Variants in AFG3L2 observed in about 807,000 individuals in gnomAD.
The protein encoded by AFG3L2 is mitochondrial inner membrane m-AAA protease component AFG3L2.
AFG3L2 carries 54 observed loss-of-function variants against 94.5 expected under a neutral mutation model. The ratio of observed to expected loss-of-function variants is 0.57; its 90% CI spans 0.46 to 0.72. The LOEUF (loss-of-function observed/expected upper bound fraction) is 0.72, where lower values mean the gene tolerates loss of function less well. Among genes scored for constraint, AFG3L2 ranks in the 30% least tolerant of loss-of-function variants. The pLI, the probability that AFG3L2 is intolerant of heterozygous loss-of-function variation, is 0.00. For synonymous variants in AFG3L2, 377 were observed against 365.5 expected, an observed-to-expected ratio of 1.03 and a Z score of -0.36; for missense variants, 754 against 994.9, an observed-to-expected ratio of 0.76 and a Z score of 3.26.
intron 9 of AFG3L2, among the ~76,000 whole-genome samples, chr18:12,355,858 G>A (rs1429428726): frequency 1.3e-5 from 2 of 151,760 alleles, no homozygotes; most frequent in East Asian, 1.9e-4. Context: ...TTTTTTAGTA[G>A]AGATGGTGTT....
At chr18:12,354,539 A>G (rs530971265) in intron 9 of AFG3L2, among the ~76,000 whole-genome samples, 4 of 152,322 alleles carry the variant, frequency 2.6e-5, no homozygotes, top group Admixed American at 2.6e-4. Flanking sequence ...TGATGTCCTC[A>G]GTGATTTCCA....
chr18:12,338,792 C>T (rs916706224), intron 15 of AFG3L2, among the ~76,000 whole-genome samples: 1 of 152,004 alleles, frequency 6.6e-6, no homozygotes, highest in African/African-American at 2.4e-5. Context: ...AGAGGAAATC[C>T]GTATCTTCTT....
intron 14 of AFG3L2, 49 bp downstream of exon 14, chr18:12,344,083 C>A (rs762687153): frequency 6.8e-7 from 1 of 1,479,820 alleles, no homozygotes; most frequent in Non-Finnish European, 9.4e-7. Context: ...CTGCAGCGAG[C>A]ATCTGCTCAC....
chr18:12,357,929 CAGTT>C (rs763374944), intron 8 of AFG3L2, among the ~76,000 whole-genome samples: 16 of 152,176 alleles, frequency 1.1e-4, no homozygotes, highest in South Asian at 1.0e-3. Context: ...GTTGTAGAGA[CAGTT>C]AGGTGTAATG....
chr18:12,341,831 A>C (rs968429153), intron 14 of AFG3L2: 1 of 152,208 alleles, frequency 6.6e-6, no homozygotes, highest in Non-Finnish European at 1.5e-5. Flanking sequence ...GTTTTCCAAA[A>C]CAATGGTACC....
intron 10 of AFG3L2, among the ~76,000 whole-genome samples, chr18:12,352,303 A>G (rs1255028092): frequency 6.6e-6 from 1 of 151,950 alleles, no homozygotes; most frequent in Non-Finnish European, 1.5e-5. Context: ...GAGGCTTTCT[A>G]CCTCCTTATT....
intron 5 of AFG3L2, among the ~76,000 whole-genome samples, chr18:12,364,690 T>C (rs1033947154): frequency 1.3e-5 from 2 of 152,130 alleles, no homozygotes; most frequent in African/African-American, 4.8e-5. Context: ...TTTATTTGTT[T>C]TTAGACAGGA....
chr18:12,334,595 C>A (rs1375789387), intron 16 of AFG3L2, among the ~76,000 whole-genome samples: 1 of 152,206 alleles, frequency 6.6e-6, no homozygotes, highest in Non-Finnish European at 1.5e-5. Context: ...GCCTTGGAGT[C>A]ATTCTTGGGC....
chr18:12,346,015 CAA>C (rs1908123462), intron 13 of AFG3L2, among the ~76,000 whole-genome samples: 1 of 152,184 alleles, frequency 6.6e-6, no homozygotes, highest in Non-Finnish European at 1.5e-5. Flanking sequence ...GATGAACTGT[CAA>C]AAGTCACCCT....
chr18:12,344,394 G>T, intron 13 of AFG3L2, 147 bp from the exon 14 acceptor site: 1 of 699,788 alleles, frequency 1.4e-6, no homozygotes. Flanking sequence ...CCTAATCAAG[G>T]CCAGGCGCAG....
At chr18:12,367,825 G>T (rs955772738) in intron 3 of AFG3L2, among the ~76,000 whole-genome samples, 1 of 152,150 alleles carries the variant, frequency 6.6e-6, no homozygotes, top group African/African-American at 2.4e-5. Flanking sequence ...GCCAAAGCAG[G>T]AGAATCCCTT....
chr18:12,367,144 T>C, intron 4 of AFG3L2, 27 bp from the exon 5 acceptor site: 1 of 1,614,108 alleles, frequency 6.2e-7, no homozygotes. Context: ...ACAGCTTCTG[T>C]GAAGAATGAA....
rs78632090 is a variant in AFG3L2, at chr18:12,334,143, C to T, written c.2175+3198G>A. Among the ~76,000 whole-genome samples, 1,344 of 152,340 alleles carry T rather than the reference C, an allele frequency of 8.8e-3. 41 individuals carry two copies. Among genetic ancestry groups the T allele is most frequent in the Admixed American group, 0.062 (948 of 15,296 alleles). On this transcript the variant is annotated intron_variant, in intron 16 of 16. Transcript: ENST00000269143. ...AAGGCAATGGTTTCAGGAGCACAGG[C>T]CCTAGCCCCTCTCTTCTCCATAGCC...
chr18:12,335,085 A>G (rs1176031597), intron 16 of AFG3L2, among the ~76,000 whole-genome samples: 2 of 152,144 alleles, frequency 1.3e-5, no homozygotes, highest in Admixed American at 1.3e-4. Flanking sequence ...TTATCTCCCC[A>G]GGTGGCCTCC....
chr18:12,332,534 T>A (rs1226490443), intron 16 of AFG3L2, among the ~76,000 whole-genome samples: 1 of 152,024 alleles, frequency 6.6e-6, no homozygotes, highest in East Asian at 2.0e-4. Context: ...TATAAAATGC[T>A]TCAAATAGGT....
chr18:12,348,218 G>A (rs1037046817), intron 13 of AFG3L2, 55 bp downstream of exon 13: 56 of 1,445,906 alleles, frequency 3.9e-5, no homozygotes, highest in African/African-American at 7.0e-5. Flanking sequence ...AGAAATCCCT[G>A]GCCTCAAATT....
intron 13 of AFG3L2, among the ~76,000 whole-genome samples, chr18:12,344,534 C>T (rs1157001729): frequency 1.3e-5 from 2 of 151,914 alleles, no homozygotes; most frequent in Non-Finnish European, 2.9e-5. Flanking sequence ...ATTAGCCAGG[C>T]GTCGTGGTGA....
intron 13 of AFG3L2, chr18:12,344,461 G>C (rs1368973986): frequency 1.9e-6 from 1 of 528,332 alleles, no homozygotes; most frequent in Non-Finnish European, 3.5e-6. Context: ...AATCACTTGA[G>C]GTGAGGAGTT....
chr18:12,366,918 A>G (rs1215876728), intron 5 of AFG3L2, 47 bp downstream of exon 5: 1 of 1,608,422 alleles, frequency 6.2e-7, no homozygotes, highest in East Asian at 2.2e-5. Flanking sequence ...AATCTGATGA[A>G]TTTCACCTTT....
Sources: allele counts gnomAD v4.1 joint callset (sites outside exome capture counted in the v4.1 genomes callset), GRCh38; gene constraint gnomAD v4.1.1; transcripts MANE v1.5; gene names NCBI Gene and HGNC (gene_info 2026-07-23, HGNC 2026-07-21).